CUBN: variants seen among roughly 807,000 people sequenced by gnomAD.
CUBN encodes 460 kDa receptor.
Under a neutral mutation model 405.3 loss-of-function variants are expected in CUBN, and 282 were observed. The observed-to-expected ratio is 0.70, with a 90% confidence interval of 0.63 to 0.77. The LOEUF is 0.77. CUBN is among the 30% of genes least tolerant of loss of function. CUBN has a pLI of 0.00. For synonymous variants in CUBN, 1,684 were observed against 1,617.0 expected (o/e 1.04, Z -0.99); for missense variants, 4,514 against 4,475.2 (o/e 1.01, Z -0.25).
chr10:17,087,458 T>TTTTTC (rs1836137906), intron 15 of CUBN, among the ~76,000 whole-genome samples: 1 of 124,560 alleles, frequency 8.0e-6, no homozygotes, highest in East Asian at 2.3e-4. Flanking sequence ...ACAATCACTA[T>TTTTTC]TATTTTTCTT....
intron 28 of CUBN, among the ~76,000 whole-genome samples, chr10:17,009,731 T>TA (rs1834128561): frequency 6.6e-6 from 1 of 152,206 alleles, no homozygotes; most frequent in African/African-American, 2.4e-5. Flanking sequence ...GGGCACTTTT[T>TA]AAAACTCCCA....
intron 14 of CUBN, among the ~76,000 whole-genome samples, chr10:17,096,315 G>C (rs1057365992): frequency 2.0e-5 from 3 of 152,046 alleles, no homozygotes; most frequent in African/African-American, 4.8e-5. Context: ...TGGTAACTAT[G>C]TATGATAGAT....
At chr10:17,043,544 G>A (rs1835058617) in intron 26 of CUBN, among the ~76,000 whole-genome samples, 1 of 152,128 alleles carries the variant, frequency 6.6e-6, no homozygotes, top group African/African-American at 2.4e-5. Flanking sequence ...ACTCTTCTAA[G>A]TTTCTATAGT....
intron 62 of CUBN, among the ~76,000 whole-genome samples, chr10:16,837,441 T>G (rs1368654841): frequency 2.0e-5 from 3 of 152,154 alleles, no homozygotes; most frequent in Non-Finnish European, 4.4e-5. Flanking sequence ...TCTCATTTAC[T>G]TTTCTCCCAG....
chr10:17,109,973 T>A (rs772913912), intron 9 of CUBN, among the ~76,000 whole-genome samples: 1 of 152,218 alleles, frequency 6.6e-6, no homozygotes, highest in Non-Finnish European at 1.5e-5. Flanking sequence ...AAAAAATATG[T>A]ATAAAACTAC....
chr10:17,114,243 A>T, intron 7 of CUBN, 54 bp from the exon 8 acceptor site: 2 of 1,577,778 alleles, frequency 1.3e-6, no homozygotes, highest in South Asian at 2.3e-5. Flanking sequence ...CAGCAAGAAA[A>T]GCCTTTGAAC....
chr10:17,119,595 G>A (rs2131319248), intron 6 of CUBN, among the ~76,000 whole-genome samples: 1 of 152,230 alleles, frequency 6.6e-6, no homozygotes, highest in East Asian at 1.9e-4. Context: ...AGGATGCAGA[G>A]GTTGCAGCAA....
intron 66 of CUBN, 133 bp downstream of exon 66, chr10:16,828,672 T>C (rs1023132568): frequency 5.2e-5 from 38 of 727,222 alleles, no homozygotes; most frequent in Middle Eastern, 3.7e-4. Flanking sequence ...GAGTTGAGAT[T>C]GCGCGCACCA....
In CUBN at chr10:17,129,400, T is replaced by C; in HGVS notation, c.123-150A>G. 6 of 1,019,648 alleles carry C rather than the reference T, an allele frequency of 5.9e-6. 1 individual carries two copies. In the South Asian group the frequency reaches 7.3e-5, roughly 12 times the overall value. 63.2% of individuals were successfully genotyped at this position (1,019,648 alleles called of 1,614,324 possible). A position where few individuals can be genotyped will look rare whatever the true frequency, so the allele number is the denominator to read the frequency against. On this transcript the variant is annotated intron_variant, in intron 1 of 66. Coordinates refer to ENST00000377833, the MANE Select transcript of CUBN (RefSeq NM_001081.4). ...CAACTGCCCCTGCTCATCTGCCACT[T>C]TTTTCTCTGCACATTTCTCAGAGAT...
intron 10 of CUBN, among the ~76,000 whole-genome samples, chr10:17,107,245 C>A (rs1297440022): frequency 1.3e-5 from 2 of 152,144 alleles, no homozygotes; most frequent in African/African-American, 2.4e-5. Context: ...AATTTAATAT[C>A]CAGAGAGTTT....
chr10:17,091,888 C>T (rs1264489187), intron 14 of CUBN, among the ~76,000 whole-genome samples: 1 of 152,180 alleles, frequency 6.6e-6, no homozygotes, highest in Non-Finnish European at 1.5e-5. Flanking sequence ...CCATTTCTTT[C>T]ACAAATAAAT....
intron 56 of CUBN, among the ~76,000 whole-genome samples, chr10:16,884,014 C>T (rs530901953): frequency 3.7e-4 from 57 of 152,270 alleles, no homozygotes; most frequent in Middle Eastern, 3.4e-3. Context: ...GAGTCTTGCT[C>T]TGTTGTCCAG....
chr10:16,845,742 G>T (rs1467200864), intron 60 of CUBN, among the ~76,000 whole-genome samples: 1 of 152,222 alleles, frequency 6.6e-6, no homozygotes, highest in Non-Finnish European at 1.5e-5. Flanking sequence ...GGATAGGAAC[G>T]TGATGCCTTC....
chr10:16,968,976 C>T (rs1055260078), intron 31 of CUBN, among the ~76,000 whole-genome samples: 1 of 152,240 alleles, frequency 6.6e-6, no homozygotes, highest in Admixed American at 6.5e-5. Context: ...GCAAGTCCAG[C>T]TTCCTGATTA....
rs372571255 is a variant in CUBN at position 17,013,793 on chromosome 10, T to G, written c.4168+6040A>C. Among the ~76,000 whole-genome samples the G allele has an allele frequency of 1.1e-4, 17 of 152,330 alleles. 2 individuals are homozygous for G. The highest frequency in any genetic ancestry group is 2.6e-4 in the Admixed American group (4 of 15,294). ...CTGGTCCCTGGGGGAAGAGGCTTAC[T>G]TCAGTATGGTTACATCACTAACTAT... On this transcript the variant is annotated intron_variant, in intron 28 of 66. Coordinates refer to ENST00000377833, the MANE Select transcript of CUBN (RefSeq NM_001081.4).
chr10:16,992,875 A>C (rs1331862466), intron 28 of CUBN, among the ~76,000 whole-genome samples: 1 of 152,262 alleles, frequency 6.6e-6, no homozygotes, highest in East Asian at 1.9e-4. Flanking sequence ...TCTTAAAAAA[A>C]CACAAGTACC....
At chr10:17,087,444 C>T (rs1836137258) in intron 15 of CUBN, among the ~76,000 whole-genome samples, 1 of 140,990 alleles carries the variant, frequency 7.1e-6, no homozygotes, top group African/African-American at 2.6e-5. Context: ...TAACCCAGTT[C>T]AACACAATCA....
At position 16,925,433 on chromosome 10, in the gene CUBN, A is replaced by G; in HGVS notation, c.6463-9T>C. 6.2e-7 allele frequency: 1 copy of G among 1,613,546 alleles called. No individual in the cohort carries two copies. The highest frequency in any genetic ancestry group is 8.5e-7 in the Non-Finnish European group (1 of 1,179,552). On this transcript the variant is annotated splice_polypyrimidine_tract_variant and intron_variant, in intron 42 of 66. Transcript: ENST00000377833. The stretch of plus-strand genomic sequence containing the variant: ...TCAGGACCATTTCTTAGCTGGAAAG[A>G]CAAATTAAAATTTCATCAACTCCTT...
At chr10:17,087,466 C>CTTTTCTT (rs1404980820) in intron 15 of CUBN, among the ~76,000 whole-genome samples, 5 of 79,788 alleles carry the variant, frequency 6.3e-5, no homozygotes, top group South Asian at 4.4e-4. Flanking sequence ...TATTATTTTT[C>CTTTTCTT]TTTTTCTTTT....
Sources: allele counts gnomAD v4.1 joint callset (sites outside exome capture counted in the v4.1 genomes callset), GRCh38; gene constraint gnomAD v4.1.1; transcripts MANE v1.5; gene names NCBI Gene and HGNC (gene_info 2026-07-23, HGNC 2026-07-21).